Variants in TRPM6 observed in about 807,000 individuals in gnomAD.
TRPM6 encodes the protein channel kinase 2.
TRPM6 carries 111 observed loss-of-function variants against 247.6 expected under a neutral mutation model. That is an observed-to-expected ratio of 0.45 (90% CI 0.38 to 0.52). TRPM6 has a LOEUF of 0.52. Ranked by LOEUF, TRPM6 falls within the 20% of genes least tolerant of loss-of-function variation. The pLI is 0.00. For missense variants in TRPM6, 2,126 were observed against 2,421.5 expected, an observed-to-expected ratio of 0.88 and a Z score of 2.56; for synonymous variants, 892 against 853.8, an observed-to-expected ratio of 1.04 and a Z score of -0.78.
At position 74,804,843 on chromosome 9, in the gene TRPM6, A is replaced by G. The variant is rs1828478129; in HGVS notation, c.1639-957T>C. On this transcript the variant is annotated intron_variant, in intron 14 of 38. Coordinates refer to ENST00000360774, the MANE Select transcript of TRPM6 (RefSeq NM_017662.5). ...TGTAAAATAAACATCAGTTTCTAAA[A>G]AAAGAAAAGTCCGAAGCACAAAAAA... The G allele has an allele frequency of 1.1e-5, 5 of 444,742 alleles. No individual in the cohort carries two copies. The South Asian group carries it at 2.0e-4, about 18-fold the overall frequency. The allele number at this position is 444,742 out of a possible 1,614,324, so 27.5% of individuals were successfully genotyped here.
At chr9:74,853,573 C>T (rs1830431777) in intron 3 of TRPM6, among the ~76,000 whole-genome samples, 1 of 152,146 alleles carries the variant, frequency 6.6e-6, no homozygotes, top group African/African-American at 2.4e-5. Context: ...ACCCTGTGCT[C>T]TCTGAAACAT....
chr9:74,789,979 A>AG (rs1403566967), intron 19 of TRPM6, among the ~76,000 whole-genome samples: 1 of 134,402 alleles, frequency 7.4e-6, no homozygotes, highest in Non-Finnish European at 1.6e-5. Context: ...AAAAAAAAAA[A>AG]AAAAAAGAAA....
intron 17 of TRPM6, among the ~76,000 whole-genome samples, chr9:74,799,367 C>G (rs1828219971): frequency 6.6e-6 from 1 of 151,892 alleles, no homozygotes; most frequent in South Asian, 2.1e-4. Flanking sequence ...TAACCTAAAG[C>G]CTTTAGACTT....
chr9:74,846,191 C>T (rs1830101825), intron 3 of TRPM6, among the ~76,000 whole-genome samples: 1 of 152,132 alleles, frequency 6.6e-6, no homozygotes, highest in South Asian at 2.1e-4. Flanking sequence ...GCTTAGCTGC[C>T]TAGATATTAA....
chr9:74,796,152 G>T (rs1828088361), intron 18 of TRPM6, among the ~76,000 whole-genome samples: 1 of 152,174 alleles, frequency 6.6e-6, no homozygotes, highest in South Asian at 2.1e-4. Flanking sequence ...AAACATAGCA[G>T]CTTATTAATA....
chr9:74,743,292 A>G (rs1825922536), intron 32 of TRPM6, among the ~76,000 whole-genome samples: 1 of 152,222 alleles, frequency 6.6e-6, no homozygotes, highest in African/African-American at 2.4e-5. Context: ...GGATAAGGCA[A>G]TCTATTACTA....
intron 7 of TRPM6, among the ~76,000 whole-genome samples, chr9:74,823,053 A>T (rs1564030801): frequency 6.6e-6 from 1 of 152,204 alleles, no homozygotes; most frequent in Non-Finnish European, 1.5e-5. Flanking sequence ...CACACCACAC[A>T]TATATTGATA....
At position 74,745,968 on chromosome 9, in the gene TRPM6, C is replaced by A. The variant is rs1428565622; in HGVS notation, c.5084-1823G>T. ...GCTTAAAAATGGTATTATGGCCAGG[C>A]GCGGGGGCCCACGCCTGTAATCCCA... On this transcript the variant is annotated intron_variant, in intron 31 of 38. Coordinates refer to ENST00000360774, the MANE Select transcript of TRPM6 (RefSeq NM_017662.5). Among the ~76,000 whole-genome samples the A allele has an allele frequency of 4.6e-5, 7 of 152,284 alleles. No individual in the cohort carries two copies. The East Asian group carries it at 1.4e-3, about 29-fold the overall frequency.
At chr9:74,886,487 T>C (rs1452109672) in intron 1 of TRPM6, among the ~76,000 whole-genome samples, 1 of 152,072 alleles carries the variant, frequency 6.6e-6, no homozygotes, top group Non-Finnish European at 1.5e-5. Flanking sequence ...GACTAGAACA[T>C]CTATGTTCTC....
At position 74,845,069 on chromosome 9, in the gene TRPM6, T is replaced by A. The variant is rs1587571239; in HGVS notation, c.153-2726A>T. 2.0e-5 allele frequency among the ~76,000 whole-genome samples: 3 copies of A among 152,200 alleles called. No individual in the cohort carries two copies. In the Middle Eastern group the frequency reaches 0.01, roughly 518 times the overall value. On this transcript the variant is annotated intron_variant, in intron 3 of 38. Transcript: ENST00000360774. ...TGCAGTTCATGACACTCCAAAACAA[T>A]TACAATAGTGACATCAAAGATCGCC...
rs138237057 is a variant in TRPM6 at position 74,743,370 on chromosome 9, A to T, written c.5134+725T>A. ...CGCACCAATAAGCTCTTACTCATGT[A>T]TTGAGCTTTAGATTTGTAAAAGGCT... On this transcript the variant is annotated intron_variant, in intron 32 of 38. Transcript: ENST00000360774. Among the ~76,000 whole-genome samples, 394 of 152,364 alleles carry T rather than the reference A, an allele frequency of 2.6e-3. 3 individuals carry two copies. Among genetic ancestry groups the T allele is most frequent in the African/African-American group, 8.5e-3 (354 of 41,588 alleles).
intron 5 of TRPM6, among the ~76,000 whole-genome samples, chr9:74,837,679 C>T (rs1829773116): frequency 6.6e-6 from 1 of 151,700 alleles, no homozygotes; most frequent in Admixed American, 6.6e-5. Context: ...ATCTCCTGAC[C>T]TTGTGATCCA....
chr9:74,857,524 C>T (rs985705253), intron 2 of TRPM6, among the ~76,000 whole-genome samples: 1 of 152,178 alleles, frequency 6.6e-6, no homozygotes, highest in African/African-American at 2.4e-5. Context: ...GAGGAATTTT[C>T]CATAGCCCTT....
At chr9:74,741,585 A>C (rs1825865327) in intron 33 of TRPM6, among the ~76,000 whole-genome samples, 2 of 152,086 alleles carry the variant, frequency 1.3e-5, no homozygotes, top group South Asian at 4.1e-4. Flanking sequence ...ATGGAAGGGG[A>C]AGGCATCTGC....
chr9:74,791,503 T>A (rs1827894785), intron 19 of TRPM6, among the ~76,000 whole-genome samples: 1 of 150,876 alleles, frequency 6.6e-6, no homozygotes, highest in African/African-American at 2.4e-5. Flanking sequence ...AAAAAATATT[T>A]AAAAAAAAAG....
intron 3 of TRPM6, among the ~76,000 whole-genome samples, 170 bp downstream of exon 3, chr9:74,855,357 T>C (rs555470218): frequency 6.6e-6 from 1 of 152,374 alleles, no homozygotes; most frequent in East Asian, 1.9e-4. Context: ...AGTAGTCTAT[T>C]ACGTTCGAAT....
chr9:74,880,100 T>C (rs2118521620), intron 1 of TRPM6, among the ~76,000 whole-genome samples: 1 of 152,194 alleles, frequency 6.6e-6, no homozygotes, highest in Non-Finnish European at 1.5e-5. Context: ...TCTGTGCTGA[T>C]TGTTGTGGTG....
chr9:74,796,058 A>G (rs1011655288), intron 18 of TRPM6, among the ~76,000 whole-genome samples: 1 of 152,252 alleles, frequency 6.6e-6, no homozygotes, highest in African/African-American at 2.4e-5. Flanking sequence ...AATAAATTGC[A>G]TTACTTAATC....
Position 74,855,125 on chromosome 9 carries a change from A to T in TRPM6, c.152+402T>A, listed in dbSNP as rs577370043. Among the ~76,000 whole-genome samples the T allele has an allele frequency of 2.6e-5, 4 of 152,260 alleles. No individual in the cohort carries two copies. In the East Asian group the frequency reaches 7.7e-4, roughly 29 times the overall value. On this transcript the variant is annotated intron_variant, in intron 3 of 38. Transcript: ENST00000360774. ...GGTCACATAGTTTAAAATGCAAATC[A>T]CTGTTAAAATTTGTATTGCACTAAA...
Sources: gnomAD v4.1 joint callset for allele counts (sites outside exome capture counted in the v4.1 genomes callset) on GRCh38, gnomAD v4.1.1 for gene constraint, MANE v1.5 for transcripts, NCBI Gene and HGNC (gene_info 2026-07-23, HGNC 2026-07-21) for gene names.